KMO: variants seen among roughly 807,000 people sequenced by gnomAD.
KMO encodes kynurenine 3-hydroxylase.
Under a neutral mutation model 57.8 loss-of-function variants are expected in KMO, and 24 were observed. The observed-to-expected ratio is 0.42, with a 90% confidence interval of 0.30 to 0.58. The LOEUF (loss-of-function observed/expected upper bound fraction) is 0.58. Among genes scored for constraint, KMO ranks in the 20% least tolerant of loss-of-function variants. The probability of loss-of-function intolerance (pLI) is 0.22; values close to 1 mark genes in which losing one functional copy is unlikely to be tolerated. For missense variants in KMO, 483 were observed against 588.2 expected (o/e 0.82, Z 1.85); for synonymous variants, 210 against 193.6 (o/e 1.08, Z -0.70).
chr1:241,577,427 C>G (rs1436933750), intron 10 of KMO, among the ~76,000 whole-genome samples: 1 of 151,484 alleles, frequency 6.6e-6, no homozygotes, highest in Non-Finnish European at 1.5e-5. Flanking sequence ...TCCTTTTTAC[C>G]CTGTTAAGGA....
At chr1:241,542,812 TTC>T (rs1374474130) in intron 1 of KMO, among the ~76,000 whole-genome samples, 4 of 152,222 alleles carry the variant, frequency 2.6e-5, no homozygotes, top group Non-Finnish European at 4.4e-5. Context: ...ACTTATATAT[TTC>T]TGTCTTAGTC....
At position 241,592,071 on chromosome 1, in the gene KMO, T is replaced by C. The variant is rs1663325761; in HGVS notation, c.1379T>C (p.Ile460Thr). 2.5e-6 allele frequency: 4 copies of C among 1,614,030 alleles called. No individual in the cohort carries two copies. Among genetic ancestry groups the C allele is most frequent in the Non-Finnish European group, 3.4e-6 (4 of 1,179,942 alleles). Residue 460 changes from isoleucine to threonine, a missense_variant, in exon 15 of 15, where the codon ATA becomes ACA. Physicochemically the swap from Ile to Thr is moderately conservative, Grantham distance 89 (BLOSUM62 -1). This residue lies in a region of KMO where 410 missense variants were observed against 492.3 expected (regional missense o/e 0.83). Transcript: ENST00000366559. ...CGCTTGAGAAGACCATGGAACTGGATAGCTCACTTCCGGAATACAACATGT... is the reference window on the plus strand; with the variant it reads ...CGCTTGAGAAGACCATGGAACTGGACAGCTCACTTCCGGAATACAACATGT... ...FLRLRRPWNW[I>T]AHFRNTTCFP...
chr1:241,544,444 G>A (rs1365613433), intron 1 of KMO, among the ~76,000 whole-genome samples: 2 of 152,138 alleles, frequency 1.3e-5, no homozygotes, highest in African/African-American at 4.8e-5. Context: ...GACTACGCTT[G>A]GAAATGGCTC....
chr1:241,548,822 T>A lies in KMO; in HGVS notation c.55-7T>A. The A allele has an allele frequency of 6.5e-7, 1 of 1,549,002 alleles. No individual in the cohort carries two copies. Among genetic ancestry groups the A allele is most frequent in the Non-Finnish European group, 8.9e-7 (1 of 1,123,576 alleles). ...AGATAAATATTTAATTTTTTTTTAA[T>A]TTCTAGGTTGGCTCATTACAAGCAT... On this transcript the variant is annotated splice_region_variant and splice_polypyrimidine_tract_variant and intron_variant, in intron 1 of 14. Transcript: ENST00000366559.
chr1:241,571,960 G>A lies in KMO; in HGVS notation c.957+3313G>A, dbSNP rs530010101. Among the ~76,000 whole-genome samples the A allele has an allele frequency of 1.3e-3, 186 of 138,608 alleles. 2 individuals carry two copies. The highest frequency in any genetic ancestry group is 4.7e-3 in the Middle Eastern group (1 of 214). The allele number at this position is 138,608 out of a possible 152,430, so 90.9% of individuals were successfully genotyped here. A position where few individuals can be genotyped will look rare whatever the true frequency, so the allele number is the denominator to read the frequency against. On this transcript the variant is annotated intron_variant, in intron 10 of 14. Coordinates refer to ENST00000366559, the MANE Select transcript of KMO (RefSeq NM_003679.5). The stretch of plus-strand genomic sequence containing the variant: ...CTGCCGACTGCAACCTCCACCTCCC[G>A]GGTTTAAGCGATTTTCCTGCCACAG...
At chr1:241,585,784 C>A (rs1403991229) in intron 10 of KMO, among the ~76,000 whole-genome samples, 3 of 150,302 alleles carry the variant, frequency 2.0e-5, no homozygotes, top group Non-Finnish European at 3.0e-5. Context: ...AAAAAAAAAC[C>A]AAAAAGAAAA....
intron 10 of KMO, among the ~76,000 whole-genome samples, chr1:241,579,304 C>T (rs747072720): frequency 3.9e-5 from 6 of 151,984 alleles, no homozygotes; most frequent in South Asian, 2.1e-4. Flanking sequence ...TGGTTTCTTA[C>T]GTGATGGGCA....
intron 5 of KMO, 113 bp downstream of exon 5, chr1:241,555,773 G>A (rs1661593442): frequency 1.5e-6 from 1 of 665,860 alleles, no homozygotes; most frequent in Non-Finnish European, 2.7e-6. Context: ...GTTATGAAGA[G>A]CAAGACTATG....
At chr1:241,544,403 G>A (rs139416332) in intron 1 of KMO, among the ~76,000 whole-genome samples, 1,781 of 152,284 alleles carry the variant, frequency 0.012, 16 homozygotes, top group Middle Eastern at 0.034. Context: ...CTTCCTAAAA[G>A]AAAGAAGCAG....
intron 11 of KMO, among the ~76,000 whole-genome samples, chr1:241,588,329 CTTTTTTT>C (rs57587351): frequency 0.013 from 1,314 of 98,486 alleles, 20 homozygotes; most frequent in African/African-American, 0.043. Flanking sequence ...TCTTTTTTTT[CTTTTTTT>C]TTTTTTTTTT....
At chr1:241,556,454 C>A (rs187693185) in intron 5 of KMO, among the ~76,000 whole-genome samples, 2 of 152,304 alleles carry the variant, frequency 1.3e-5, no homozygotes, top group Non-Finnish European at 1.5e-5. Context: ...GAATTGAAAT[C>A]ATTTGTTCAA....
At chr1:241,578,484 C>G (rs1334216581) in intron 10 of KMO, among the ~76,000 whole-genome samples, 1 of 152,130 alleles carries the variant, frequency 6.6e-6, no homozygotes, top group African/African-American at 2.4e-5. Flanking sequence ...CTAGGTCCAG[C>G]AACACAGTGG....
At chr1:241,547,189 A>C (rs970102433) in intron 1 of KMO, among the ~76,000 whole-genome samples, 10 of 152,236 alleles carry the variant, frequency 6.6e-5, no homozygotes, top group Non-Finnish European at 1.5e-5. Context: ...ATGATCTCAG[A>C]ATAGGCAAAG....
chr1:241,560,669 T>A lies in KMO; in HGVS notation c.366T>A (p.Ala122=), dbSNP rs1300398889. The A allele has an allele frequency of 6.2e-7, 1 of 1,607,596 alleles. No homozygotes were observed. Reference sequence around the variant, plus strand: ...CCTCTTTCTCCATTTCCTCAGCTGCTGAGAAATACCCCAATGTGAAAATGC... The same window carrying A: ...CCTCTTTCTCCATTTCCTCAGCTGCAGAGAAATACCCCAATGTGAAAATGC... The part of the protein sequence containing the change: ...ENLNKDLLTA[A]EKYPNVKMHF... The change falls in exon 6 of 15, where the codon GCT becomes GCA. Residue 122 remains alanine (A), a synonymous_variant. Coordinates refer to ENST00000366559, the MANE Select transcript of KMO (RefSeq NM_003679.5).
intron 1 of KMO, among the ~76,000 whole-genome samples, chr1:241,538,461 G>T (rs530377977): frequency 9.2e-5 from 14 of 152,202 alleles, no homozygotes; most frequent in Non-Finnish European, 2.1e-4. Flanking sequence ...TTACCATAGT[G>T]ACATACATGC....
chr1:241,576,257 G>A (rs531245112), intron 10 of KMO, among the ~76,000 whole-genome samples: 84 of 151,918 alleles, frequency 5.5e-4, no homozygotes, highest in Non-Finnish European at 2.8e-4. Context: ...GACAATTTAC[G>A]TTCAGCATTA....
At chr1:241,585,182 T>C (rs1225831780) in intron 10 of KMO, among the ~76,000 whole-genome samples, 2 of 152,094 alleles carry the variant, frequency 1.3e-5, no homozygotes, top group Non-Finnish European at 2.9e-5. Context: ...TGAGCCGAGA[T>C]TGTGCCACTG....
chr1:241,562,279 CAGTACATTCCTCATGGGTACATGG>C lies in KMO; in HGVS notation c.566_589del (p.Tyr189_Glu196del), dbSNP rs1250149697. 9.9e-6 allele frequency: 16 copies of C among 1,614,044 alleles called. No individual in the cohort carries two copies. Among genetic ancestry groups the C allele is most frequent in the Non-Finnish European group, 1.3e-5 (15 of 1,179,990 alleles). On this transcript the variant is annotated inframe_deletion, in exon 7 of 15. Coordinates refer to ENST00000366559, the MANE Select transcript of KMO (RefSeq NM_003679.5). ...GAAACCTCGCTTTGATTACAGTCAG[CAGTACATTCCTCATGGGTACATGG>C]AGTTGACTATTCCACCTAAGAACGG...
At chr1:241,574,210 G>A (rs1662415688) in intron 10 of KMO, among the ~76,000 whole-genome samples, 1 of 152,032 alleles carries the variant, frequency 6.6e-6, no homozygotes. Flanking sequence ...CATATCATCA[G>A]CAAACATTGA....
Sources: gnomAD v4.1 joint callset for allele counts (sites outside exome capture counted in the v4.1 genomes callset) on GRCh38, gnomAD v4.1.1 for gene constraint, gnomAD v4.1.1 regional missense constraint, MANE v1.5 for transcripts, NCBI Gene and HGNC (gene_info 2026-07-23, HGNC 2026-07-21) for gene names.